ADAMTS3: variants seen among roughly 807,000 people sequenced by gnomAD.
ADAMTS3 encodes A disintegrin and metalloproteinase with thrombospondin motifs 3.
ADAMTS3 carries 73 observed loss-of-function variants against 129.0 expected under a neutral mutation model. The ratio of observed to expected loss-of-function variants is 0.57; its 90% CI spans 0.47 to 0.69. The LOEUF is 0.69. Ranked by LOEUF, ADAMTS3 falls within the 30% of genes least tolerant of loss-of-function variation. The pLI is 0.00. For synonymous variants in ADAMTS3, 477 were observed against 510.8 expected, an observed-to-expected ratio of 0.93 and a Z score of 0.89; for missense variants, 1,457 against 1,514.5, an observed-to-expected ratio of 0.96 and a Z score of 0.63.
intron 3 of ADAMTS3, among the ~76,000 whole-genome samples, chr4:72,536,177 A>G (rs181640949): frequency 4.6e-5 from 7 of 152,324 alleles, no homozygotes; most frequent in Admixed American, 4.6e-4. Context: ...GAAGATTCAA[A>G]TAAGTGGAAC....
chr4:72,485,104 G>A (rs1279481915), intron 3 of ADAMTS3, among the ~76,000 whole-genome samples: 2 of 152,108 alleles, frequency 1.3e-5, no homozygotes, highest in Admixed American at 1.3e-4. Flanking sequence ...GCAGCCACAA[G>A]GTTTTCATTA....
intron 19 of ADAMTS3, among the ~76,000 whole-genome samples, chr4:72,291,387 A>T (rs1334167559): frequency 6.7e-6 from 1 of 148,496 alleles, no homozygotes; most frequent in African/African-American, 2.5e-5. Flanking sequence ...ATCTTCTAAT[A>T]CTATCCCTCC....
chr4:72,339,373 G>T, intron 5 of ADAMTS3, 121 bp downstream of exon 5: 2 of 804,240 alleles, frequency 2.5e-6, no homozygotes, highest in Non-Finnish European at 2.0e-6. Flanking sequence ...TAAATTTAAT[G>T]CCATCATGCA....
At chr4:72,483,980 T>C (rs983725253) in intron 3 of ADAMTS3, among the ~76,000 whole-genome samples, 10 of 151,884 alleles carry the variant, frequency 6.6e-5, no homozygotes, top group African/African-American at 2.2e-4. Flanking sequence ...ATGGCACCAT[T>C]GCACTCCAGC....
chr4:72,464,322 A>G (rs2109987068), intron 3 of ADAMTS3, among the ~76,000 whole-genome samples: 1 of 152,046 alleles, frequency 6.6e-6, no homozygotes, highest in Admixed American at 6.6e-5. Context: ...TAGGTGAATA[A>G]ATGGTTATAG....
intron 3 of ADAMTS3, among the ~76,000 whole-genome samples, chr4:72,489,256 G>GT (rs1719671615): frequency 1.3e-5 from 2 of 151,936 alleles, no homozygotes; most frequent in Non-Finnish European, 2.9e-5. Context: ...CTGAGATAGT[G>GT]ATTTTTCTTG....
Position 72,282,380 on chromosome 4 carries a change from T to G in ADAMTS3, c.*756A>C. 6.6e-6 allele frequency: 1 copy of G among 152,176 alleles called. No homozygotes were observed. The allele number at this position is 152,176 out of a possible 1,614,324, so 9.4% of individuals were successfully genotyped here. A position where few individuals can be genotyped will look rare whatever the true frequency, so the allele number is the denominator to read the frequency against. On this transcript the variant is annotated 3_prime_UTR_variant, in exon 22 of 22. Transcript: ENST00000286657. ...TTTAAATTATAAGTATAGAAGGCAA[T>G]AGGTAAGCTGATATCTGTATATCTA...
At position 72,548,702 on chromosome 4, in the gene ADAMTS3, G is replaced by A. The variant is rs747975445; in HGVS notation, c.280C>T (p.Arg94Ter). Residue 94 changes from arginine to a stop codon, truncating the protein, a stop_gained, in exon 3 of 22, where the codon CGA (arginine) becomes TGA (stop). Transcript: ENST00000286657. LOFTEE classifies it high-confidence loss of function. ...ITAFGKDFHLRLKPNTQLVAP... is the reference protein window; with the variant it reads ...ITAFGKDFHL ...ACTAGTTGAGTGTTGGGCTTTAGTC[G>A]CAGATGAAAATCTTTTCCAAATGCC... The A allele has an allele frequency of 1.2e-6, 2 of 1,613,828 alleles. No homozygotes were observed. The highest frequency in any genetic ancestry group is 2.7e-5 in the African/African-American group (2 of 74,886).
chr4:72,489,161 C>A (rs1719668944), intron 3 of ADAMTS3, among the ~76,000 whole-genome samples: 1 of 151,900 alleles, frequency 6.6e-6, no homozygotes, highest in Admixed American at 6.6e-5. Flanking sequence ...CCTATCCATT[C>A]ATACATTGAC....
chr4:72,492,339 T>C (rs1719769577), intron 3 of ADAMTS3, among the ~76,000 whole-genome samples: 1 of 151,546 alleles, frequency 6.6e-6, no homozygotes, highest in Non-Finnish European at 1.5e-5. Flanking sequence ...TTCTTTGAGG[T>C]GCAAAGTTTT....
intron 6 of ADAMTS3, among the ~76,000 whole-genome samples, chr4:72,321,171 G>T (rs112075529): frequency 7.2e-5 from 11 of 151,966 alleles, no homozygotes; most frequent in African/African-American, 2.4e-4. Context: ...CCATTTATGA[G>T]AATGGTTTTG....
At chr4:72,319,021 A>G (rs1187227440) in intron 9 of ADAMTS3, among the ~76,000 whole-genome samples, 1 of 152,162 alleles carries the variant, frequency 6.6e-6, no homozygotes, top group Non-Finnish European at 1.5e-5. Flanking sequence ...CACAGCTCGT[A>G]TCATATGCAG....
At chr4:72,341,190 C>T (rs1488719429) in intron 4 of ADAMTS3, among the ~76,000 whole-genome samples, 1 of 152,182 alleles carries the variant, frequency 6.6e-6, no homozygotes, top group East Asian at 1.9e-4. Context: ...ATCCTGCTCA[C>T]ACTTTTTCTA....
At chr4:72,548,429 T>G (rs754393899) in intron 3 of ADAMTS3, 49 bp downstream of exon 3, 4 of 1,576,042 alleles carry the variant, frequency 2.5e-6, no homozygotes, top group Non-Finnish European at 3.5e-6. Flanking sequence ...AAGCCATGGC[T>G]GCACTCCCAG....
chr4:72,433,033 G>A (rs1310774105), intron 3 of ADAMTS3, among the ~76,000 whole-genome samples: 1 of 151,752 alleles, frequency 6.6e-6, no homozygotes, highest in Admixed American at 6.6e-5. Flanking sequence ...CTGTTTATAG[G>A]GCTGCCAAAT....
chr4:72,454,874 A>G (rs1247565812), intron 3 of ADAMTS3, among the ~76,000 whole-genome samples: 2 of 151,712 alleles, frequency 1.3e-5, no homozygotes, highest in Non-Finnish European at 3.0e-5. Flanking sequence ...GTTCTCATCA[A>G]TACTTAGTCA....
chr4:72,365,161 A>G (rs973560363), intron 4 of ADAMTS3, among the ~76,000 whole-genome samples: 2 of 152,182 alleles, frequency 1.3e-5, no homozygotes, highest in African/African-American at 2.4e-5. Context: ...TCTGAACAAA[A>G]TTGTTTCAGC....
At chr4:72,336,407 TTAGAGAA>T (rs1719989865) in intron 5 of ADAMTS3, among the ~76,000 whole-genome samples, 2 of 152,192 alleles carry the variant, frequency 1.3e-5, no homozygotes, top group Admixed American at 1.3e-4. Flanking sequence ...TTGAACATCG[TTAGAGAA>T]AAACTGAATG....
intron 2 of ADAMTS3, among the ~76,000 whole-genome samples, chr4:72,550,042 AGAGGAAGAGGAAGAGGAAGAGGAAGAG>A (rs1256164537): frequency 0.099 from 2,666 of 27,052 alleles, 663 homozygotes; most frequent in Middle Eastern, 0.23. Context: ...AAGAAGAAGA[AGAGGAAGAGGAAGAGGAAGAGGAAGAG>A]GAAGAGGAAG....
Sources: gnomAD v4.1 joint callset for allele counts (sites outside exome capture counted in the v4.1 genomes callset) on GRCh38, gnomAD v4.1.1 for gene constraint, MANE v1.5 for transcripts, NCBI Gene and HGNC (gene_info 2026-07-23, HGNC 2026-07-21) for gene names.